Variants in PLXNA4 observed in about 807,000 individuals in gnomAD.
The protein encoded by PLXNA4 is plexin A4.
PLXNA4 carries 44 observed loss-of-function variants against 191.8 expected under a neutral mutation model. That is an observed-to-expected ratio of 0.23 (90% CI 0.18 to 0.29). PLXNA4 has a LOEUF of 0.29. PLXNA4 is among the 10% of genes least tolerant of loss of function. The pLI, the probability that PLXNA4 is intolerant of heterozygous loss-of-function variation, is 1.00. For synonymous variants in PLXNA4, 1,082 were observed against 1,009.5 expected (o/e 1.07, Z -1.36); for missense variants, 1,800 against 2,488.8 (o/e 0.72, Z 5.89).
At chr7:132,583,903 G>A (rs938851064) in intron 2 of PLXNA4, among the ~76,000 whole-genome samples, 4 of 152,244 alleles carry the variant, frequency 2.6e-5, no homozygotes, top group Non-Finnish European at 5.9e-5. Context: ...GGGTTGGGGA[G>A]GGCCAATCGT....
chr7:132,407,237 C>T (rs1794258091), intron 3 of PLXNA4, among the ~76,000 whole-genome samples: 1 of 152,210 alleles, frequency 6.6e-6, no homozygotes, highest in African/African-American at 2.4e-5. Flanking sequence ...CTTTCTGGGA[C>T]ACCCCACCCC....
intron 3 of PLXNA4, among the ~76,000 whole-genome samples, chr7:132,419,788 C>T (rs1392847224): frequency 6.6e-6 from 1 of 152,210 alleles, no homozygotes; most frequent in Non-Finnish European, 1.5e-5. Flanking sequence ...TCAACATTTC[C>T]GTTGCAGCAT....
chr7:132,278,773 A>G (rs534210426), intron 4 of PLXNA4, among the ~76,000 whole-genome samples: 3 of 152,348 alleles, frequency 2.0e-5, no homozygotes, highest in African/African-American at 7.2e-5. Flanking sequence ...AATGCAGCAG[A>G]ATCTGGTATT....
intron 3 of PLXNA4, among the ~76,000 whole-genome samples, chr7:132,414,347 T>C (rs1223261240): frequency 6.6e-6 from 1 of 152,218 alleles, no homozygotes; most frequent in African/African-American, 2.4e-5. Flanking sequence ...TCTCTTTTCA[T>C]TTTTTATGGC....
intron 16 of PLXNA4, 34 bp downstream of exon 16, chr7:132,185,265 A>G: frequency 6.3e-7 from 1 of 1,584,188 alleles, no homozygotes; most frequent in Non-Finnish European, 8.6e-7. Context: ...ACAGAGGTGC[A>G]GAAGCATTAA....
intron 3 of PLXNA4, among the ~76,000 whole-genome samples, chr7:132,317,581 G>A (rs1346299176): frequency 1.3e-5 from 2 of 152,192 alleles, no homozygotes; most frequent in African/African-American, 4.8e-5. Context: ...GAATAAATTG[G>A]TTGACTTGAG....
intron 13 of PLXNA4, among the ~76,000 whole-genome samples, chr7:132,197,141 GAAT>G (rs1176268262): frequency 6.6e-6 from 1 of 152,018 alleles, no homozygotes; most frequent in Non-Finnish European, 1.5e-5. Flanking sequence ...TCTTGAAATT[GAAT>G]AAATTTCCAC....
chr7:132,582,592 A>C (rs1802423570), intron 2 of PLXNA4, among the ~76,000 whole-genome samples: 1 of 152,132 alleles, frequency 6.6e-6, no homozygotes, highest in Non-Finnish European at 1.5e-5. Context: ...ACCCACCAAC[A>C]ACCAGTGCCA....
intron 4 of PLXNA4, among the ~76,000 whole-genome samples, chr7:132,267,563 GGGAACC>G (rs1242195163): frequency 6.6e-6 from 1 of 152,154 alleles, no homozygotes; most frequent in East Asian, 1.9e-4. Context: ...TGGTGGAGCT[GGGAACC>G]ACATGGCAAT....
intron 4 of PLXNA4, among the ~76,000 whole-genome samples, chr7:132,276,658 A>G (rs1015658890): frequency 6.6e-6 from 1 of 152,116 alleles, no homozygotes; most frequent in Non-Finnish European, 1.5e-5. Flanking sequence ...TAGCCCTGTT[A>G]TTATTATTTC....
chr7:132,506,353 T>C (rs1798462754), intron 2 of PLXNA4, among the ~76,000 whole-genome samples: 1 of 152,208 alleles, frequency 6.6e-6, no homozygotes, highest in South Asian at 2.1e-4. Context: ...TTTCCTAATA[T>C]GGAACTCCAC....
At chr7:132,323,677 G>T (rs769210658) in intron 3 of PLXNA4, among the ~76,000 whole-genome samples, 1 of 152,096 alleles carries the variant, frequency 6.6e-6, no homozygotes, top group African/African-American at 2.4e-5. Context: ...CTATAATGTC[G>T]ACTGTCCTTA....
chr7:132,448,981 G>GTATGAA (rs1796013388), intron 3 of PLXNA4, among the ~76,000 whole-genome samples: 1 of 152,046 alleles, frequency 6.6e-6, no homozygotes, highest in Non-Finnish European at 1.5e-5. Context: ...GTTACAACAG[G>GTATGAA]TAATGAATAA....
rs535000280 is a variant in PLXNA4 at position 132,594,832 on chromosome 7, T to C, written c.-87+51096A>G. On this transcript the variant is annotated intron_variant, in intron 2 of 4. Coordinates refer to the PLXNA4 transcript ENST00000378539. ...GCACTGAGCCCTGGGAGAAGGTGGC[T>C]ACTTCATGTGGGAGCTAGAAAGTAT... 1.8e-4 allele frequency among the ~76,000 whole-genome samples: 28 copies of C among 152,280 alleles called. 3 individuals carry two copies. In the South Asian group the frequency reaches 5.8e-3, roughly 32 times the overall value.
At chr7:132,305,361 A>AACACAC (rs57158164) in intron 3 of PLXNA4, among the ~76,000 whole-genome samples, 7,665 of 131,048 alleles carry the variant, frequency 0.058, 306 homozygotes, top group East Asian at 0.14. Context: ...GCTTACCAAG[A>AACACAC]ACACACACAC....
intron 3 of PLXNA4, among the ~76,000 whole-genome samples, chr7:132,445,932 C>T (rs190489970): frequency 1.3e-5 from 2 of 152,282 alleles, no homozygotes; most frequent in African/African-American, 4.8e-5. Flanking sequence ...CAAAAACTCC[C>T]GAGACCTTGA....
At chr7:132,633,651 G>C (rs1181436633) in intron 2 of PLXNA4, among the ~76,000 whole-genome samples, 1 of 152,154 alleles carries the variant, frequency 6.6e-6, no homozygotes, top group Non-Finnish European at 1.5e-5. Flanking sequence ...TTCAGGCACT[G>C]AATAGTTAAA....
chr7:132,142,948 C>T (rs1301802508), intron 29 of PLXNA4, among the ~76,000 whole-genome samples: 1 of 152,200 alleles, frequency 6.6e-6, no homozygotes, highest in African/African-American at 2.4e-5. Flanking sequence ...GCACAGCAAA[C>T]AGGGAAGCCA....
intron 3 of PLXNA4, among the ~76,000 whole-genome samples, chr7:132,430,218 C>A (rs982316691): frequency 1.3e-5 from 2 of 152,056 alleles, no homozygotes; most frequent in Admixed American, 6.6e-5. Context: ...GGCATCATGC[C>A]AGAGGAAAAT....
Sources: gnomAD v4.1 joint callset for allele counts (sites outside exome capture counted in the v4.1 genomes callset) on GRCh38, gnomAD v4.1.1 for gene constraint, MANE v1.5 for transcripts, NCBI Gene and HGNC (gene_info 2026-07-23, HGNC 2026-07-21) for gene names.